Variants in FOXP2 observed in about 807,000 individuals in gnomAD.
The protein encoded by FOXP2 is forkhead box P2.
FOXP2 carries 12 observed loss-of-function variants against 115.8 expected under a neutral mutation model. That is an observed-to-expected ratio of 0.10 (90% CI 0.07 to 0.17). The LOEUF (loss-of-function observed/expected upper bound fraction) is 0.17, where lower values mean the gene tolerates loss of function less well. Ranked by LOEUF, FOXP2 falls within the 10% of genes least tolerant of loss-of-function variation. The probability of loss-of-function intolerance (pLI) is 1.00; values close to 1 mark genes in which losing one functional copy is unlikely to be tolerated. For missense variants in FOXP2, 629 were observed against 843.5 expected (o/e 0.75, Z 3.15); for synonymous variants, 328 against 297.7 (o/e 1.10, Z -1.05).
intron 3 of FOXP2, among the ~76,000 whole-genome samples, chr7:114,572,549 T>C (rs1315692038): frequency 1.3e-5 from 2 of 151,862 alleles, no homozygotes; most frequent in Non-Finnish European, 2.9e-5. Flanking sequence ...GCAATTATAT[T>C]CTTTAACTTA....
At chr7:114,111,218 A>C (rs1399828646) in intron 1 of FOXP2, among the ~76,000 whole-genome samples, 1 of 152,190 alleles carries the variant, frequency 6.6e-6, no homozygotes, top group Non-Finnish European at 1.5e-5. Context: ...GTGCGACATC[A>C]GTGAATGTGG....
At chr7:114,492,248 G>A (rs1285637077) in intron 2 of FOXP2, among the ~76,000 whole-genome samples, 3 of 151,902 alleles carry the variant, frequency 2.0e-5, no homozygotes, top group Non-Finnish European at 2.9e-5. Context: ...CTGTGGGATC[G>A]GTGGTGATAT....
intron 1 of FOXP2, among the ~76,000 whole-genome samples, chr7:114,226,020 A>C (rs534304560): frequency 6.6e-6 from 1 of 152,146 alleles, no homozygotes; most frequent in Non-Finnish European, 1.5e-5. Flanking sequence ...TAGGAATCAC[A>C]CAGGTGGTTG....
At chr7:114,227,725 C>T (rs1396100541) in intron 1 of FOXP2, among the ~76,000 whole-genome samples, 1 of 151,900 alleles carries the variant, frequency 6.6e-6, no homozygotes, top group Non-Finnish European at 1.5e-5. Flanking sequence ...CTTATTTCTG[C>T]TCAACAGAAA....
intron 12 of FOXP2, 31 bp downstream of exon 12, chr7:114,659,463 T>C (rs1806759463): frequency 1.2e-6 from 2 of 1,602,206 alleles, no homozygotes; most frequent in Non-Finnish European, 8.6e-7. Context: ...CTTTGCCTGA[T>C]TAAATTAAAA....
chr7:114,593,006 T>C (rs936713104), intron 3 of FOXP2, among the ~76,000 whole-genome samples: 1 of 151,974 alleles, frequency 6.6e-6, no homozygotes, highest in South Asian at 2.1e-4. Flanking sequence ...TTCACACAGT[T>C]CCTTGGCTTC....
chr7:114,314,581 G>A (rs1302639081), intron 2 of FOXP2, among the ~76,000 whole-genome samples: 1 of 152,270 alleles, frequency 6.6e-6, no homozygotes, highest in East Asian at 1.9e-4. Flanking sequence ...GTGACCTTTT[G>A]ACTAAAGGAA....
intron 2 of FOXP2, among the ~76,000 whole-genome samples, chr7:114,466,868 A>G (rs1041018881): frequency 1.3e-5 from 2 of 152,178 alleles, no homozygotes; most frequent in African/African-American, 4.8e-5. Context: ...ACAGCTCACT[A>G]TTTTCTAAAT....
chr7:114,141,637 C>T (rs1170333710), intron 1 of FOXP2, among the ~76,000 whole-genome samples: 2 of 152,180 alleles, frequency 1.3e-5, no homozygotes, highest in African/African-American at 4.8e-5. Context: ...TCAATTGTCA[C>T]TGCTGCAAGG....
chr7:114,249,285 T>C (rs1795370842), intron 1 of FOXP2, among the ~76,000 whole-genome samples: 1 of 152,146 alleles, frequency 6.6e-6, no homozygotes, highest in Admixed American at 6.5e-5. Flanking sequence ...TGTGCCATGG[T>C]GGTTTGCTGC....
chr7:114,691,497 C>A lies in FOXP2; in HGVS notation c.*1571C>A. The A allele has an allele frequency of 2.2e-6, 1 of 453,922 alleles. No individual in the cohort carries two copies. Among genetic ancestry groups the A allele is most frequent in the Non-Finnish European group, 4.4e-6 (1 of 226,752 alleles). The allele number at this position is 453,922 out of a possible 1,614,324, so 28.1% of individuals were successfully genotyped here. A position where few individuals can be genotyped will look rare whatever the true frequency, so the allele number is the denominator to read the frequency against. On this transcript the variant is annotated 3_prime_UTR_variant, in exon 17 of 17. Coordinates refer to ENST00000350908, the MANE Select transcript of FOXP2 (RefSeq NM_014491.4). Reference sequence around the variant, plus strand: ...CACTCCCTTCAAAGACTTGCACAGGCCAAATTGTTGGAATGCTGGTTTTCT... The same window carrying A: ...CACTCCCTTCAAAGACTTGCACAGGACAAATTGTTGGAATGCTGGTTTTCT...
At chr7:114,224,492 G>T (rs745636999) in intron 1 of FOXP2, among the ~76,000 whole-genome samples, 1 of 151,968 alleles carries the variant, frequency 6.6e-6, no homozygotes, top group Non-Finnish European at 1.5e-5. Context: ...CATATGCCTT[G>T]GGTTTCTTAG....
At chr7:114,569,266 C>G (rs1228139330) in intron 3 of FOXP2, among the ~76,000 whole-genome samples, 1 of 151,852 alleles carries the variant, frequency 6.6e-6, no homozygotes, top group African/African-American at 2.4e-5. Context: ...CAGTCAGTTT[C>G]TCTTATTATG....
chr7:114,180,138 A>G (rs552528541), intron 1 of FOXP2, among the ~76,000 whole-genome samples: 2 of 152,114 alleles, frequency 1.3e-5, no homozygotes, highest in South Asian at 4.1e-4. Context: ...AGTGGATATA[A>G]TTGCATGTGT....
At chr7:114,287,234 C>T (rs1314367774) in intron 1 of FOXP2, among the ~76,000 whole-genome samples, 3 of 151,478 alleles carry the variant, frequency 2.0e-5, no homozygotes, top group African/African-American at 7.3e-5. Flanking sequence ...CTAACACTAA[C>T]GATAGCTGAT....
intron 1 of FOXP2, among the ~76,000 whole-genome samples, chr7:114,170,593 G>T (rs898946719): frequency 6.6e-6 from 1 of 152,208 alleles, no homozygotes; most frequent in Non-Finnish European, 1.5e-5. Flanking sequence ...GAACATATGA[G>T]TGATAAGAAA....
At chr7:114,478,911 T>C (rs1295493789) in intron 2 of FOXP2, among the ~76,000 whole-genome samples, 3 of 151,730 alleles carry the variant, frequency 2.0e-5, no homozygotes, top group Non-Finnish European at 3.0e-5. Context: ...TAAAGGCTTG[T>C]TACATCTAGA....
chr7:114,649,014 A>C (rs1806082047), intron 8 of FOXP2, among the ~76,000 whole-genome samples: 1 of 152,078 alleles, frequency 6.6e-6, no homozygotes. Flanking sequence ...AATGCATTTA[A>C]ATATTTCATA....
At chr7:114,227,456 C>CT (rs1230878490) in intron 1 of FOXP2, among the ~76,000 whole-genome samples, 1 of 152,002 alleles carries the variant, frequency 6.6e-6, no homozygotes, top group Non-Finnish European at 1.5e-5. Context: ...TTTGTGCTTT[C>CT]TTTTTCTTTA....
Sources: allele counts gnomAD v4.1 joint callset (sites outside exome capture counted in the v4.1 genomes callset), GRCh38; gene constraint gnomAD v4.1.1; transcripts MANE v1.5; gene names NCBI Gene and HGNC (gene_info 2026-07-23, HGNC 2026-07-21).